RAB3GAP2: variants seen among roughly 807,000 people sequenced by gnomAD.
The protein encoded by RAB3GAP2 is RAB3 GTPase activating non-catalytic protein subunit 2, also known as rab3 GTPase-activating protein non-catalytic subunit.
RAB3GAP2 carries 87 observed loss-of-function variants against 185.3 expected under a neutral mutation model. That is an observed-to-expected ratio of 0.47 (90% CI 0.39 to 0.56). RAB3GAP2 has a LOEUF of 0.56. RAB3GAP2 is among the 20% of genes least tolerant of loss of function. The probability of loss-of-function intolerance (pLI) is 0.00; values close to 1 mark genes in which losing one functional copy is unlikely to be tolerated. For synonymous variants in RAB3GAP2, 554 were observed against 576.1 expected, an observed-to-expected ratio of 0.96 and a Z score of 0.55; for missense variants, 1,492 against 1,638.2, an observed-to-expected ratio of 0.91 and a Z score of 1.54.
intron 19 of RAB3GAP2, among the ~76,000 whole-genome samples, chr1:220,183,584 T>C (rs1049407332): frequency 1.3e-5 from 2 of 152,138 alleles, no homozygotes; most frequent in African/African-American, 4.8e-5. Context: ...CATGTATTAC[T>C]GTATAATCAG....
rs13376314 is a variant in RAB3GAP2, at chr1:220,245,870, G to A, written c.116-13007C>T. Among the ~76,000 whole-genome samples, 99 of 152,268 alleles carry A rather than the reference G, an allele frequency of 6.5e-4. 1 individual carries two copies. Among genetic ancestry groups the A allele is most frequent in the African/African-American group, 2.1e-3 (86 of 41,556 alleles). On this transcript the variant is annotated intron_variant, in intron 1 of 34. Transcript: ENST00000358951. ...AGTGGGTCCCTGGCCCCTGACCCCC[G>A]AGCAGCCTAACTGGGAGGCACCCCC...
At chr1:220,156,333 T>G (rs1038521926) in intron 31 of RAB3GAP2, among the ~76,000 whole-genome samples, 1 of 152,166 alleles carries the variant, frequency 6.6e-6, no homozygotes, top group East Asian at 1.9e-4. Context: ...CTTCTATCAG[T>G]AAAAAGCTAA....
intron 1 of RAB3GAP2, among the ~76,000 whole-genome samples, chr1:220,242,485 A>G (rs1288710086): frequency 1.3e-5 from 2 of 148,706 alleles, no homozygotes; most frequent in African/African-American, 2.6e-5. Context: ...GAAACTAGGG[A>G]AAAAAGTTAG....
chr1:220,189,026 ATAAAG>A (rs1379329939), intron 17 of RAB3GAP2, among the ~76,000 whole-genome samples: 1 of 152,156 alleles, frequency 6.6e-6, no homozygotes, highest in Non-Finnish European at 1.5e-5. Context: ...TGACGTAACT[ATAAAG>A]TAAAGAAAAA....
intron 9 of RAB3GAP2, chr1:220,200,686 ATTTTTATG>A (rs1396094626): frequency 7.9e-6 from 4 of 505,470 alleles, no homozygotes; most frequent in African/African-American, 2.0e-5. Context: ...ATTTTGCAGC[ATTTTTATG>A]CTAGCAAAAA....
At chr1:220,211,875 C>T (rs542226987) in intron 4 of RAB3GAP2, among the ~76,000 whole-genome samples, 6 of 152,246 alleles carry the variant, frequency 3.9e-5, no homozygotes, top group Non-Finnish European at 5.9e-5. Context: ...GACTAAATGG[C>T]GTAAGGAGAA....
At chr1:220,252,556 G>A (rs565488955) in intron 1 of RAB3GAP2, among the ~76,000 whole-genome samples, 10 of 152,358 alleles carry the variant, frequency 6.6e-5, no homozygotes, top group South Asian at 2.1e-4. Context: ...AGAAAAGTAC[G>A]AGGGAGTGGA....
chr1:220,230,929 G>T (rs1054971353), intron 2 of RAB3GAP2, among the ~76,000 whole-genome samples: 1 of 152,036 alleles, frequency 6.6e-6, no homozygotes, highest in African/African-American at 2.4e-5. Context: ...AAATTATCCA[G>T]AATTCATCCA....
intron 17 of RAB3GAP2, among the ~76,000 whole-genome samples, 170 bp downstream of exon 17, chr1:220,189,533 A>G (rs1192238263): frequency 1.4e-5 from 2 of 147,680 alleles, no homozygotes; most frequent in East Asian, 3.9e-4. Context: ...TTTTTTTTTT[A>G]AAGAGACAAC....
intron 1 of RAB3GAP2, chr1:220,254,098 A>C (rs1659989300): frequency 3.7e-6 from 6 of 1,613,846 alleles, no homozygotes. Flanking sequence ...CTTAATTACC[A>C]GGCAAAAACA....
intron 2 of RAB3GAP2, among the ~76,000 whole-genome samples, chr1:220,228,826 G>A (rs10127631): frequency 0.097 from 14,750 of 152,202 alleles, 1,122 homozygotes; most frequent in African/African-American, 0.21. Flanking sequence ...TCAAGTCACA[G>A]TATGAGCAAA....
At chr1:220,267,106 T>A in intron 1 of RAB3GAP2, 1 of 1,492,742 alleles carries the variant, frequency 6.7e-7, no homozygotes, top group East Asian at 2.3e-5. Flanking sequence ...ATTTGCAATT[T>A]CAAGCTCTCC....
chr1:220,210,676 C>A (rs1659065929), intron 6 of RAB3GAP2, 125 bp downstream of exon 6: 1 of 1,123,526 alleles, frequency 8.9e-7, no homozygotes, highest in Non-Finnish European at 1.3e-6. Flanking sequence ...CGGCCTCTAC[C>A]CCCATAAAGA....
At chr1:220,156,581 A>T (rs1312269960) in intron 31 of RAB3GAP2, among the ~76,000 whole-genome samples, 1 of 152,236 alleles carries the variant, frequency 6.6e-6, no homozygotes, top group Non-Finnish European at 1.5e-5. Context: ...CAGCTCTTGC[A>T]GCATGGGACT....
At chr1:220,213,176 T>G (rs1228943536) in intron 3 of RAB3GAP2, among the ~76,000 whole-genome samples, 2 of 152,190 alleles carry the variant, frequency 1.3e-5, no homozygotes, top group African/African-American at 4.8e-5. Context: ...CTTCAGCCTC[T>G]CCTTCCCCCA....
intron 17 of RAB3GAP2, among the ~76,000 whole-genome samples, chr1:220,187,174 T>C (rs1258810532): frequency 2.6e-5 from 4 of 152,192 alleles, no homozygotes; most frequent in Non-Finnish European, 4.4e-5. Flanking sequence ...GAAATATACA[T>C]ATTGGTCTAT....
intron 1 of RAB3GAP2, among the ~76,000 whole-genome samples, chr1:220,263,451 A>G (rs1660176087): frequency 6.6e-6 from 1 of 152,054 alleles, no homozygotes; most frequent in Non-Finnish European, 1.5e-5. Flanking sequence ...TCTTTAATCT[A>G]TTTAATTTTT....
chr1:220,241,546 C>T (rs1432235907), intron 1 of RAB3GAP2, among the ~76,000 whole-genome samples: 4 of 151,972 alleles, frequency 2.6e-5, no homozygotes, highest in African/African-American at 9.7e-5. Context: ...TTTTACTTGG[C>T]TCTACTTGGC....
At position 220,182,904 on chromosome 1, in the gene RAB3GAP2, C is replaced by T; in HGVS notation, c.2026G>A (p.Glu676Lys). Residue 676 changes from glutamate (E) to lysine (K), a missense_variant, in exon 20 of 35, where the codon GAA becomes AAA. Glu to Lys is a moderately conservative substitution (Grantham distance 56). Coordinates refer to ENST00000358951, the MANE Select transcript of RAB3GAP2 (RefSeq NM_012414.4). ...NDLALLLRLD[E>K]KELLKLQALL... ...GCCTGGAGCTTAAGCAGTTCTTTTT[C>T]ATCAAGCCTTAGTAACAGAGCCAAG... 1.2e-6 allele frequency: 2 copies of T among 1,613,176 alleles called. No individual in the cohort carries two copies. Among genetic ancestry groups the T allele is most frequent in the East Asian group, 2.2e-5 (1 of 44,782 alleles).
Sources: allele counts gnomAD v4.1 joint callset (sites outside exome capture counted in the v4.1 genomes callset), GRCh38; gene constraint gnomAD v4.1.1; transcripts MANE v1.5; gene names NCBI Gene and HGNC (gene_info 2026-07-23, HGNC 2026-07-21).